Variants in OCA2 observed in about 807,000 individuals in gnomAD.
OCA2 encodes the protein P protein.
Under a neutral mutation model 100.2 loss-of-function variants are expected in OCA2, and 77 were observed. The observed-to-expected ratio is 0.77, with a 90% confidence interval of 0.64 to 0.93. The LOEUF (loss-of-function observed/expected upper bound fraction) is 0.93, where lower values mean the gene tolerates loss of function less well. Among genes scored for constraint, OCA2 ranks in the 40% least tolerant of loss-of-function variants. OCA2 has a pLI of 0.00. For synonymous variants in OCA2, 432 were observed against 439.2 expected (o/e 0.98, Z 0.21); for missense variants, 1,062 against 1,089.1 (o/e 0.98, Z 0.35).
intron 23 of OCA2, among the ~76,000 whole-genome samples, chr15:27,813,910 T>G (rs1595454068): frequency 6.6e-6 from 1 of 152,256 alleles, no homozygotes; most frequent in Non-Finnish European, 1.5e-5. Flanking sequence ...ATTACTATTT[T>G]ATTGATACAT....
intron 19 of OCA2, among the ~76,000 whole-genome samples, chr15:27,923,686 C>T (rs2038946264): frequency 6.6e-6 from 1 of 152,148 alleles, no homozygotes; most frequent in African/African-American, 2.4e-5. Flanking sequence ...GTCCTTTGCT[C>T]ACTTTTTAGT....
chr15:28,007,206 CAT>C (rs778748873), intron 9 of OCA2, among the ~76,000 whole-genome samples: 1 of 152,190 alleles, frequency 6.6e-6, no homozygotes, highest in Non-Finnish European at 1.5e-5. Flanking sequence ...GGATGGAAGA[CAT>C]ATGGAGAAAA....
intron 19 of OCA2, among the ~76,000 whole-genome samples, chr15:27,877,437 C>T (rs1367041167): frequency 4.0e-5 from 6 of 151,704 alleles, no homozygotes. Context: ...AAATCTTCTT[C>T]TATGATTGTG....
chr15:27,830,573 T>C (rs2034910517), intron 23 of OCA2, among the ~76,000 whole-genome samples: 2 of 152,116 alleles, frequency 1.3e-5, no homozygotes, highest in African/African-American at 4.8e-5. Context: ...AGGCCAAAAG[T>C]CTCTTTTCTG....
intron 19 of OCA2, among the ~76,000 whole-genome samples, chr15:27,880,450 G>A (rs1420770028): frequency 6.6e-6 from 1 of 152,032 alleles, no homozygotes; most frequent in Non-Finnish European, 1.5e-5. Flanking sequence ...TGGACAGTAT[G>A]GCCATTTTCA....
At chr15:27,830,723 G>A (rs1003970818) in intron 23 of OCA2, among the ~76,000 whole-genome samples, 1 of 152,162 alleles carries the variant, frequency 6.6e-6, no homozygotes, top group Admixed American at 6.5e-5. Flanking sequence ...AAAGCTTCAA[G>A]TCATTTCATA....
chr15:27,985,226 G>C (rs1287832041), intron 12 of OCA2, 38 bp from the exon 13 acceptor site: 9 of 1,612,000 alleles, frequency 5.6e-6, no homozygotes, highest in African/African-American at 1.3e-5. Context: ...AAGCCAGAGT[G>C]AGCAGGCTCG....
chr15:27,840,037 A>AAC (rs2035289413), intron 23 of OCA2, among the ~76,000 whole-genome samples: 1 of 152,192 alleles, frequency 6.6e-6, no homozygotes, highest in Admixed American at 6.5e-5. Flanking sequence ...ATGACAATGG[A>AAC]AGCATTATAT....
chr15:27,921,639 A>G (rs1306339547), intron 19 of OCA2, among the ~76,000 whole-genome samples: 1 of 152,204 alleles, frequency 6.6e-6, no homozygotes, highest in Non-Finnish European at 1.5e-5. Context: ...GATCTTAACT[A>G]CTAACAGCCT....
At chr15:27,878,970 C>T (rs997699456) in intron 19 of OCA2, among the ~76,000 whole-genome samples, 1 of 151,880 alleles carries the variant, frequency 6.6e-6, no homozygotes, top group African/African-American at 2.4e-5. Context: ...GGTATTAAGC[C>T]CCACATGCAT....
chr15:27,933,337 A>G (rs1429044876), intron 18 of OCA2, among the ~76,000 whole-genome samples: 3 of 146,408 alleles, frequency 2.0e-5, no homozygotes, highest in Non-Finnish European at 4.5e-5. Flanking sequence ...CATTAAACAG[A>G]CAGAAGGTAG....
intron 2 of OCA2, among the ~76,000 whole-genome samples, chr15:28,065,986 CA>C: frequency 6.6e-6 from 1 of 152,216 alleles, no homozygotes; most frequent in African/African-American, 2.4e-5. Flanking sequence ...TATTCACAGA[CA>C]TGATTATTTA....
At chr15:28,058,844 G>A (rs2043785578) in intron 2 of OCA2, among the ~76,000 whole-genome samples, 1 of 152,178 alleles carries the variant, frequency 6.6e-6, no homozygotes. Context: ...CCAGGGGGCA[G>A]GTGTGCAGGG....
chr15:27,757,876 A>G (rs1209304349), intron 23 of OCA2, among the ~76,000 whole-genome samples: 1 of 152,176 alleles, frequency 6.6e-6, no homozygotes, highest in Non-Finnish European at 1.5e-5. Context: ...GTAAGCCTGG[A>G]GCACCTCCCT....
intron 2 of OCA2, among the ~76,000 whole-genome samples, chr15:28,078,023 G>T (rs967307686): frequency 1.3e-5 from 2 of 152,212 alleles, no homozygotes; most frequent in Non-Finnish European, 2.9e-5. Context: ...AGGTTGCAGT[G>T]AGCCGAGATT....
chr15:27,727,185 G>A, the OCA2 span, among the ~76,000 whole-genome samples: 1 of 152,218 alleles, frequency 6.6e-6, no homozygotes, highest in East Asian at 1.9e-4. Context: ...TGCAAAGTCT[G>A]AAGAGAGAAT....
intron 23 of OCA2, among the ~76,000 whole-genome samples, chr15:27,768,822 T>G (rs1432414346): frequency 6.6e-6 from 1 of 152,198 alleles, no homozygotes; most frequent in Admixed American, 6.5e-5. Context: ...AGGCAAGGCC[T>G]GCGGGCAGCT....
At chr15:27,952,451 A>T (rs114476847) in intron 17 of OCA2, among the ~76,000 whole-genome samples, 1,536 of 152,204 alleles carry the variant, frequency 0.01, 26 homozygotes, top group African/African-American at 0.035. Flanking sequence ...TACCTAGGAG[A>T]CGGCACGAGA....
chr15:27,743,417 C>T, the OCA2 span, among the ~76,000 whole-genome samples: 2 of 152,190 alleles, frequency 1.3e-5, no homozygotes, highest in Admixed American at 6.5e-5. Context: ...AACAAAACAG[C>T]ATGCTTATCA....
Sources: gnomAD v4.1 joint callset for allele counts (sites outside exome capture counted in the v4.1 genomes callset) on GRCh38, gnomAD v4.1.1 for gene constraint, MANE v1.5 for transcripts, NCBI Gene and HGNC (gene_info 2026-07-23, HGNC 2026-07-21) for gene names.